The following CAMK1D variants were observed in gnomAD, a reference collection of about 807,000 sequenced individuals.
CAMK1D encodes the protein calcium/calmodulin dependent protein kinase ID, also known as calcium/calmodulin-dependent protein kinase type 1D.
A neutral mutation model predicts 47.7 loss-of-function variants in CAMK1D; 9 were observed. That is an observed-to-expected ratio of 0.19 (90% CI 0.11 to 0.33). The LOEUF is 0.33. Among genes scored for constraint, CAMK1D ranks in the 10% least tolerant of loss-of-function variants. The probability of loss-of-function intolerance (pLI) is 1.00; values close to 1 mark genes in which losing one functional copy is unlikely to be tolerated. For missense variants in CAMK1D, 291 were observed against 488.7 expected, an observed-to-expected ratio of 0.60 and a Z score of 3.81; for synonymous variants, 184 against 184.9, an observed-to-expected ratio of 0.99 and a Z score of 0.04.
At chr10:12,789,807 A>AC (rs139843762) in intron 5 of CAMK1D, among the ~76,000 whole-genome samples, 71,087 of 152,108 alleles carry the variant, frequency 0.47, 18,424 homozygotes, top group South Asian at 0.61. Flanking sequence ...TCCAACAAGT[A>AC]CTTTGTCAGC....
chr10:12,647,529 G>A (rs898023746), intron 2 of CAMK1D, among the ~76,000 whole-genome samples: 4 of 152,182 alleles, frequency 2.6e-5, no homozygotes, highest in African/African-American at 9.7e-5. Context: ...TAGAAAAGCA[G>A]TTGTTGTAAA....
At chr10:12,471,431 CTGTG>C (rs1833743485) in intron 1 of CAMK1D, among the ~76,000 whole-genome samples, 1 of 9,798 alleles carries the variant, frequency 1.0e-4, no homozygotes, top group Non-Finnish European at 3.0e-4. Context: ...GTAGGGCTGG[CTGTG>C]TGCTGGCTGT....
At chr10:12,813,647 A>G (rs982363628) in intron 6 of CAMK1D, among the ~76,000 whole-genome samples, 1 of 151,776 alleles carries the variant, frequency 6.6e-6, no homozygotes, top group Non-Finnish European at 1.5e-5. Context: ...CCTTTTTGCT[A>G]TTTATTAAAT....
chr10:12,541,842 TCTTCCTTC>T (rs150179810), intron 1 of CAMK1D, among the ~76,000 whole-genome samples: 8,868 of 116,582 alleles, frequency 0.076, 352 homozygotes, highest in East Asian at 0.09. Flanking sequence ...CTGTGTTTTA[TCTTCCTTC>T]CTTCCTTCCT....
chr10:12,722,299 A>T (rs1834420501), intron 3 of CAMK1D, among the ~76,000 whole-genome samples: 1 of 151,780 alleles, frequency 6.6e-6, no homozygotes, highest in Admixed American at 6.6e-5. Context: ...CAAAACAATT[A>T]GCCGGGCTTG....
intron 1 of CAMK1D, among the ~76,000 whole-genome samples, chr10:12,526,140 CT>C (rs1298725705): frequency 6.6e-6 from 1 of 152,162 alleles, no homozygotes; most frequent in East Asian, 1.9e-4. Context: ...AATTTCTTTC[CT>C]TTTCTTTTCT....
chr10:12,486,107 G>A (rs527495372), intron 1 of CAMK1D, among the ~76,000 whole-genome samples: 4 of 151,760 alleles, frequency 2.6e-5, no homozygotes, highest in East Asian at 1.9e-4. Context: ...CCCATGCAGT[G>A]CACACACACA....
At chr10:12,517,314 T>TA (rs1835241875) in intron 1 of CAMK1D, among the ~76,000 whole-genome samples, 1 of 152,214 alleles carries the variant, frequency 6.6e-6, no homozygotes, top group African/African-American at 2.4e-5. Context: ...ACAATCATGT[T>TA]ATCTGCAAAC....
intron 5 of CAMK1D, among the ~76,000 whole-genome samples, chr10:12,773,184 T>C (rs971753162): frequency 6.6e-6 from 1 of 152,196 alleles, no homozygotes; most frequent in African/African-American, 2.4e-5. Flanking sequence ...CTGAATTTAG[T>C]AAAAACACAC....
intron 3 of CAMK1D, among the ~76,000 whole-genome samples, chr10:12,716,900 G>A (rs184336324): frequency 6.6e-6 from 1 of 152,172 alleles, no homozygotes; most frequent in Non-Finnish European, 1.5e-5. Context: ...AGGGGAGCAA[G>A]GGAAAGCGTG....
At chr10:12,494,810 C>A in intron 1 of CAMK1D, among the ~76,000 whole-genome samples, 1 of 152,172 alleles carries the variant, frequency 6.6e-6, no homozygotes, top group East Asian at 1.9e-4. Flanking sequence ...CTCAGGTGAT[C>A]TGCCCACCTC....
intron 1 of CAMK1D, among the ~76,000 whole-genome samples, chr10:12,400,505 A>G (rs780524164): frequency 5.3e-5 from 8 of 152,204 alleles, no homozygotes; most frequent in Admixed American, 3.3e-4. Context: ...AAGACTCCCA[A>G]TTTACATTCA....
chr10:12,683,903 T>C (rs1382327349), intron 3 of CAMK1D, among the ~76,000 whole-genome samples: 1 of 152,066 alleles, frequency 6.6e-6, no homozygotes. Context: ...ACTGAAAACA[T>C]TTCAGGGCAA....
intron 2 of CAMK1D, among the ~76,000 whole-genome samples, chr10:12,577,577 A>G (rs560375452): frequency 6.6e-6 from 1 of 152,226 alleles, no homozygotes; most frequent in Non-Finnish European, 1.5e-5. Context: ...ATGATCAAAT[A>G]GGAGATTTTT....
intron 3 of CAMK1D, among the ~76,000 whole-genome samples, chr10:12,750,099 T>G (rs1835879098): frequency 6.6e-6 from 1 of 152,186 alleles, no homozygotes; most frequent in Non-Finnish European, 1.5e-5. Flanking sequence ...TACTGTACAT[T>G]TGTGCAATAA....
At chr10:12,763,107 A>G (rs1268871478) in intron 4 of CAMK1D, among the ~76,000 whole-genome samples, 5 of 152,184 alleles carry the variant, frequency 3.3e-5, no homozygotes, top group African/African-American at 7.2e-5. Flanking sequence ...GAATCTTTGC[A>G]GCTTCCATCC....
chr10:12,742,472 G>A lies in CAMK1D; in HGVS notation c.300-18476G>A, dbSNP rs143294766. Among the ~76,000 whole-genome samples the A allele has an allele frequency of 1.7e-4, 26 of 152,288 alleles. No homozygotes were observed. In the East Asian group the frequency reaches 4.2e-3, roughly 25 times the overall value. On this transcript the variant is annotated intron_variant, in intron 3 of 10. Transcript: ENST00000619168. ...ATGTACCATAAAATTCACTCATTTCGAATGTACAATTGAATGATTTTCAGT... is the reference window on the plus strand; with the variant it reads ...ATGTACCATAAAATTCACTCATTTCAAATGTACAATTGAATGATTTTCAGT...
intron 2 of CAMK1D, among the ~76,000 whole-genome samples, chr10:12,614,670 G>C (rs1048921401): frequency 1.3e-5 from 2 of 152,112 alleles, no homozygotes; most frequent in Non-Finnish European, 2.9e-5. Context: ...CTAAGTCCGG[G>C]TTGAGAGGCC....
In CAMK1D at chr10:12,647,208, T is replaced by A. The variant is rs866806966; in HGVS notation, c.225-19528T>A. Among the ~76,000 whole-genome samples, 9 of 141,628 alleles carry A rather than the reference T, an allele frequency of 6.4e-5. 1 individual carries two copies. The Middle Eastern group carries it at 0.02, about 310-fold the overall frequency. The allele number at this position is 141,628 out of a possible 152,430, so 92.9% of individuals were successfully genotyped here. The stretch of plus-strand genomic sequence containing the variant: ...TCTTGTTGCCCAGGCTGGAGTGCAG[T>A]GACGCGATCTTGGCTCACTGCAACC... On this transcript the variant is annotated intron_variant, in intron 2 of 10. Coordinates refer to ENST00000619168, the MANE Select transcript of CAMK1D (RefSeq NM_153498.4).
Sources: gnomAD v4.1 joint callset for allele counts (sites outside exome capture counted in the v4.1 genomes callset) on GRCh38, gnomAD v4.1.1 for gene constraint, MANE v1.5 for transcripts, NCBI Gene and HGNC (gene_info 2026-07-23, HGNC 2026-07-21) for gene names.